SART1: variants seen among roughly 807,000 people sequenced by gnomAD.
The protein encoded by SART1 is spliceosome associated factor 1, recruiter of U4/U6.U5 tri-snRNP.
In SART1, 28 loss-of-function variants were observed where a neutral mutation model predicts 105.0. That is an observed-to-expected ratio of 0.27 (90% CI 0.20 to 0.37). The LOEUF (loss-of-function observed/expected upper bound fraction) is 0.37, where lower values mean the gene tolerates loss of function less well. Among genes scored for constraint, SART1 ranks in the 10% least tolerant of loss-of-function variants. SART1 has a pLI of 1.00. For synonymous variants in SART1, 472 were observed against 462.9 expected, an observed-to-expected ratio of 1.02 and a Z score of -0.25; for missense variants, 894 against 1,106.5, an observed-to-expected ratio of 0.81 and a Z score of 2.72.
At chr11:65,969,961 A>G (rs946785951) in intron 12 of SART1, among the ~76,000 whole-genome samples, 1 of 151,946 alleles carries the variant, frequency 6.6e-6, no homozygotes, top group South Asian at 2.1e-4. Flanking sequence ...TCACCTTGTG[A>G]TCCACCCTCC....
rs1472443418 is a variant in SART1, at chr11:65,965,086, T to C, written c.428-6T>C. 3.8e-6 allele frequency: 6 copies of C among 1,569,332 alleles called. No homozygotes were observed. The highest frequency in any genetic ancestry group is 5.2e-6 in the Non-Finnish European group (6 of 1,162,424). On this transcript the variant is annotated splice_region_variant and splice_polypyrimidine_tract_variant and intron_variant, in intron 3 of 19. Coordinates refer to ENST00000312397, the MANE Select transcript of SART1 (RefSeq NM_005146.5). The stretch of plus-strand genomic sequence containing the variant: ...GCATAGCCTCACGTCTGGGCCCCCC[T>C]TCCAGAGGCGGGCACCAAGGAGGAG...
At position 65,976,856 on chromosome 11, in the gene SART1, C is replaced by T. The variant is rs547886190; in HGVS notation, c.1857+90C>T. On this transcript the variant is annotated intron_variant, in intron 14 of 19. Transcript: ENST00000312397. This position sits in a 1 kb window ranked among gnomAD's most constrained non-coding sequence, Gnocchi z 5.1. ...TCGGTGTCCAGAGCCTCAGCCTCCT[C>T]ATCCAGAGTGGGCTCTGCAGACCTC... 2.0e-4 allele frequency: 241 copies of T among 1,232,022 alleles called. No individual in the cohort carries two copies. In the African/African-American group the frequency reaches 3.1e-3, roughly 16 times the overall value. The allele number at this position is 1,232,022 out of a possible 1,614,324, so 76.3% of individuals were successfully genotyped here. A position where few individuals can be genotyped will look rare whatever the true frequency, so the allele number is the denominator to read the frequency against.
At position 65,979,043 on chromosome 11, in the gene SART1, G is replaced by A. The variant is rs373790467; in HGVS notation, c.*13G>A. ...CATCACCAAGTGACAGCGCCCTCCC[G>A]CCCCGGCCCTGCCTCAACCTTCATA... On this transcript the variant is annotated 3_prime_UTR_variant, in exon 20 of 20. Coordinates refer to ENST00000312397, the MANE Select transcript of SART1 (RefSeq NM_005146.5). 9 of 1,613,842 alleles carry A rather than the reference G, an allele frequency of 5.6e-6. No homozygotes were observed. The highest frequency in any genetic ancestry group is 1.3e-5 in the African/African-American group (1 of 74,864).
chr11:65,974,251 G>A (rs1855436855), intron 12 of SART1, among the ~76,000 whole-genome samples: 2 of 146,148 alleles, frequency 1.4e-5, no homozygotes, highest in African/African-American at 5.1e-5. Context: ...GTGCATGCCT[G>A]TAATCCCAGC....
chr11:65,967,434 GGGACC>G, intron 10 of SART1, 32 bp from the exon 11 acceptor site: 4 of 1,613,690 alleles, frequency 2.5e-6, no homozygotes, highest in Non-Finnish European at 3.4e-6. Flanking sequence ...GGGTGGCCTG[GGGACC>G]GGTGCTCACC....
In SART1 at chr11:65,966,393, A is replaced by C; in HGVS notation, c.1025A>C (p.Glu342Ala). ...SILSKYDEELEGERPHSFRLE... is the reference protein window; with the variant it reads ...SILSKYDEELAGERPHSFRLE... The stretch of plus-strand genomic sequence containing the variant: ...CTGTCCAAGTATGACGAAGAGCTTG[A>C]AGGGGAGCGGCCACATTCCTTCCGC... Residue 342 changes from glutamate to alanine, a missense_variant, in exon 9 of 20, where the codon GAA becomes GCA. Coordinates refer to ENST00000312397, the MANE Select transcript of SART1 (RefSeq NM_005146.5). The C allele has an allele frequency of 1.9e-6, 3 of 1,613,958 alleles. No individual in the cohort carries two copies. Among genetic ancestry groups the C allele is most frequent in the Non-Finnish European group, 2.5e-6 (3 of 1,180,028 alleles).
At position 65,964,171 on chromosome 11, in the gene SART1, G is replaced by A. The variant is rs994192546; in HGVS notation, c.371+40G>A. 2.5e-6 allele frequency: 4 copies of A among 1,582,376 alleles called. No homozygotes were observed. The Admixed American group carries it at 5.0e-5, about 20-fold the overall frequency. On this transcript the variant is annotated intron_variant, in intron 2 of 19. Coordinates refer to ENST00000312397, the MANE Select transcript of SART1 (RefSeq NM_005146.5). ...CCTTGTTTCTACTTTGTTTTTCTAA[G>A]AGAGGTGGCTCTGGGGCCAGCACGG... is the stretch of plus-strand genomic sequence containing the variant.
In SART1 at chr11:65,967,696, C is replaced by T. The variant is rs1158647322; in HGVS notation, c.1447C>T (p.Pro483Ser). Residue 483 changes from proline (P) to serine (S), a missense_variant, in exon 12 of 20, where the codon CCG becomes TCG. Coordinates refer to ENST00000312397, the MANE Select transcript of SART1 (RefSeq NM_005146.5). ...ISDEEEGGAP[P>S]PGSPQVLEED... ...TCCCCCAGAGGAAGGTGGAGCTCCA[C>T]CGCCGGGGTCCCCGCAGGTGCTGGA... The T allele has an allele frequency of 6.4e-7, 1 of 1,564,682 alleles. No homozygotes were observed. The highest frequency in any genetic ancestry group is 8.7e-7 in the Non-Finnish European group (1 of 1,154,398).
intron 9 of SART1, 45 bp from the exon 10 acceptor site, chr11:65,967,214 C>T (rs1855277201): frequency 6.2e-7 from 1 of 1,602,340 alleles, no homozygotes; most frequent in Admixed American, 1.7e-5. Flanking sequence ...TGGCGACCTG[C>T]CTTTCTGTGG....
chr11:65,966,304 T>C lies in SART1; in HGVS notation c.982-46T>C, dbSNP rs561904217. ...CTGAGGAGGTGGTGGCTCAGTGGCT[T>C]TTCAGGAGCCAGCCTGGGTCCCAAC... On this transcript the variant is annotated intron_variant, in intron 8 of 19. Coordinates refer to ENST00000312397, the MANE Select transcript of SART1 (RefSeq NM_005146.5). 1.5e-5 allele frequency: 24 copies of C among 1,613,820 alleles called. No homozygotes were observed. The East Asian group carries it at 4.9e-4, about 33-fold the overall frequency.
Position 65,977,603 on chromosome 11 carries a change from G to A in SART1, c.1986G>A (p.Lys662=). The A allele has an allele frequency of 6.2e-7, 1 of 1,613,984 alleles. No individual in the cohort carries two copies. Among genetic ancestry groups the A allele is most frequent in the Non-Finnish European group, 8.5e-7 (1 of 1,179,998 alleles). ...CAGTGCAGAAGGTGGCCCGGGTGAAGGCCCCCAACAAGTCGCTGCCCTCAG... is the reference window on the plus strand; with the variant it reads ...CAGTGCAGAAGGTGGCCCGGGTGAAAGCCCCCAACAAGTCGCTGCCCTCAG... The part of the protein sequence containing the change: ...ETTVQKVARV[K]APNKSLPSAV... The change falls in exon 16 of 20, where the codon AAG becomes AAA. Residue 662 remains lysine, a synonymous_variant. Transcript: ENST00000312397.
rs1168176073 is a variant in SART1 at position 65,974,198 on chromosome 11, TAA to T, written c.1573-2172_1573-2171del. ...TAACATGGTGAAACCCCCTCTCTAC[TAA>T]AAAAAAAAAAAAAAAAAAAAAAAAT... is the stretch of plus-strand genomic sequence containing the variant. On this transcript the variant is annotated intron_variant, in intron 12 of 19. Coordinates refer to ENST00000312397, the MANE Select transcript of SART1 (RefSeq NM_005146.5). Among the ~76,000 whole-genome samples the T allele has an allele frequency of 0.017, 1,166 of 69,328 alleles. 53 individuals carry two copies. In the East Asian group the frequency reaches 0.18, roughly 11 times the overall value. 45.5% of individuals were successfully genotyped at this position (69,328 alleles called of 152,430 possible).
rs1042140032 is a variant in SART1 at position 65,978,529 on chromosome 11, C to T, written c.2173-71C>T. On this transcript the variant is annotated intron_variant, in intron 17 of 19. Coordinates refer to ENST00000312397, the MANE Select transcript of SART1 (RefSeq NM_005146.5). The surrounding 1 kb of genome is among the most constrained non-coding windows in gnomAD (Gnocchi z 6.8). Reference sequence around the variant, plus strand: ...AATCAACACCCGCCCTGTTATTATACACCTTGTGGGCACAGGTGGCTCCGG... The same window carrying T: ...AATCAACACCCGCCCTGTTATTATATACCTTGTGGGCACAGGTGGCTCCGG... 6.9e-7 allele frequency: 1 copy of T among 1,448,590 alleles called. No individual in the cohort carries two copies. Among genetic ancestry groups the T allele is most frequent in the African/African-American group, 1.4e-5 (1 of 71,084 alleles). The allele number at this position is 1,448,590 out of a possible 1,614,324, so 89.7% of individuals were successfully genotyped here.
At chr11:65,970,624 G>C (rs1200620846) in intron 12 of SART1, among the ~76,000 whole-genome samples, 1 of 151,086 alleles carries the variant, frequency 6.6e-6, no homozygotes, top group Non-Finnish European at 1.5e-5. Flanking sequence ...TTGTTCTGGT[G>C]TTTTTCCAGT....
intron 15 of SART1, 148 bp from the exon 16 acceptor site, chr11:65,977,415 A>G: frequency 4.4e-6 from 3 of 687,936 alleles, no homozygotes; most frequent in Non-Finnish European, 7.7e-6. Context: ...TCATTTCTGC[A>G]TCTTTGCTTT....
At position 65,976,964 on chromosome 11, in the gene SART1, TGAG is replaced by T. The variant is rs1332451847; in HGVS notation, c.1858-49_1858-47del. On this transcript the variant is annotated intron_variant, in intron 14 of 19. Transcript: ENST00000312397. This position sits in a 1 kb window ranked among gnomAD's most constrained non-coding sequence, Gnocchi z 5.1. ...GCAGGTGGTGACCAGTGGGTGGGGC[TGAG>T]AAGAGCCGGTATGGCCTGCTAACCA... 2.0e-6 allele frequency: 3 copies of T among 1,468,630 alleles called. No individual in the cohort carries two copies. The highest frequency in any genetic ancestry group is 9.5e-7 in the Non-Finnish European group (1 of 1,048,320). 91.0% of individuals were successfully genotyped at this position (1,468,630 alleles called of 1,614,324 possible). A position where few individuals can be genotyped will look rare whatever the true frequency, so the allele number is the denominator to read the frequency against.
In SART1 at chr11:65,977,549, C is replaced by T. The variant is rs370384430; in HGVS notation, c.1946-14C>T. 4.3e-6 allele frequency: 7 copies of T among 1,611,718 alleles called. No homozygotes were observed. Among genetic ancestry groups the T allele is most frequent in the Non-Finnish European group, 5.9e-6 (7 of 1,177,972 alleles). On this transcript the variant is annotated splice_polypyrimidine_tract_variant and intron_variant, in intron 15 of 19. Coordinates refer to ENST00000312397, the MANE Select transcript of SART1 (RefSeq NM_005146.5). ...CTCGAGGGGTTGGGAGTCTCACAACCCCTCCATCCCTAGGGCTGCTGGAGA... is the reference window on the plus strand; with the variant it reads ...CTCGAGGGGTTGGGAGTCTCACAACTCCTCCATCCCTAGGGCTGCTGGAGA...
Position 65,978,995 on chromosome 11 carries a change from C to G in SART1, c.2385-17C>G. 2 of 1,614,110 alleles carry G rather than the reference C, an allele frequency of 1.2e-6. No individual in the cohort carries two copies. Among genetic ancestry groups the G allele is most frequent in the Non-Finnish European group, 1.7e-6 (2 of 1,180,014 alleles). Reference sequence around the variant, plus strand: ...GTGCCCGCCTCTGCAGCCTCACGCCCCTGTTCTTCTCTGCAGGAACACCAT... The same window carrying G: ...GTGCCCGCCTCTGCAGCCTCACGCCGCTGTTCTTCTCTGCAGGAACACCAT... On this transcript the variant is annotated splice_polypyrimidine_tract_variant and intron_variant, in intron 19 of 19. Coordinates refer to ENST00000312397, the MANE Select transcript of SART1 (RefSeq NM_005146.5). This position sits in a 1 kb window ranked among gnomAD's most constrained non-coding sequence, Gnocchi z 6.8.
chr11:65,977,533 T>C, intron 15 of SART1, 30 bp from the exon 16 acceptor site: 1 of 1,595,798 alleles, frequency 6.3e-7, no homozygotes, highest in Non-Finnish European at 8.6e-7. Context: ...TCTCGAGGGG[T>C]TGGGAGTCTC....
Sources: allele counts gnomAD v4.1 joint callset (sites outside exome capture counted in the v4.1 genomes callset), GRCh38; gene constraint gnomAD v4.1.1; non-coding constraint Gnocchi (gnomAD v3.1); transcripts MANE v1.5; gene names NCBI Gene and HGNC (gene_info 2026-07-23, HGNC 2026-07-21).